The following TAF4B variants were observed in gnomAD, a reference collection of about 807,000 sequenced individuals.
TAF4B encodes TATA-box binding protein associated factor 4b, also known as transcription initiation factor TFIID subunit 4B.
TAF4B carries 38 observed loss-of-function variants against 86.4 expected under a neutral mutation model. The ratio of observed to expected loss-of-function variants is 0.44; its 90% CI spans 0.34 to 0.58. TAF4B has a LOEUF of 0.58. Ranked by LOEUF, TAF4B falls within the 20% of genes least tolerant of loss-of-function variation. TAF4B has a pLI of 0.02. For synonymous variants in TAF4B, 388 were observed against 391.2 expected (o/e 0.99, Z 0.10); for missense variants, 988 against 1,027.6 (o/e 0.96, Z 0.53).
intron 3 of TAF4B, among the ~76,000 whole-genome samples, chr18:26,271,676 C>T (rs539200022): frequency 1.3e-5 from 2 of 152,198 alleles, no homozygotes; most frequent in Admixed American, 1.3e-4. Context: ...GTAATCCCAG[C>T]ACTTTGGGAG....
chr18:26,276,373 A>G (rs2056384579), intron 5 of TAF4B, among the ~76,000 whole-genome samples: 1 of 152,224 alleles, frequency 6.6e-6, no homozygotes, highest in Non-Finnish European at 1.5e-5. Flanking sequence ...TATATGCTTA[A>G]GACATGCTGA....
Position 26,227,207 on chromosome 18 carries a change from CAGAT to C in TAF4B, c.277_280del (p.Ile93SerfsTer3). ...CAGCGGCCCTAGGCTGCCTGCTCCT[CAGAT>C]AGTCGCCGTGAAAGCCCCCAACACC... On this transcript the variant is annotated frameshift_variant, in exon 1 of 15. Transcript: ENST00000269142. 6.2e-7 allele frequency: 1 copy of C among 1,614,050 alleles called. No homozygotes were observed. The highest frequency in any genetic ancestry group is 8.5e-7 in the Non-Finnish European group (1 of 1,179,982).
intron 10 of TAF4B, among the ~76,000 whole-genome samples, chr18:26,317,489 T>A (rs1676997): frequency 6.6e-6 from 1 of 152,052 alleles, no homozygotes; most frequent in East Asian, 1.9e-4. Flanking sequence ...ATATGGTTTC[T>A]GTCACAATTG....
At chr18:26,389,054 C>T (rs1048549894) in intron 14 of TAF4B, among the ~76,000 whole-genome samples, 5 of 152,072 alleles carry the variant, frequency 3.3e-5, no homozygotes, top group Admixed American at 6.6e-5. Context: ...TCAGGTGATC[C>T]ACCCACCTCG....
chr18:26,240,347 T>C (rs1412956673), intron 1 of TAF4B, among the ~76,000 whole-genome samples: 10 of 152,212 alleles, frequency 6.6e-5, no homozygotes, highest in Non-Finnish European at 1.3e-4. Flanking sequence ...TTTGAAGCAA[T>C]TGTGAATGGG....
chr18:26,235,195 A>G (rs1469152836), intron 1 of TAF4B, among the ~76,000 whole-genome samples: 1 of 152,082 alleles, frequency 6.6e-6, no homozygotes, highest in African/African-American at 2.4e-5. Context: ...TCTGGTTCCC[A>G]TTCTACTAGA....
At position 26,390,190 on chromosome 18, in the gene TAF4B, C is replaced by A. The variant is rs890666935; in HGVS notation, c.*178C>A. 5.6e-6 allele frequency: 3 copies of A among 531,100 alleles called. No homozygotes were observed. Among genetic ancestry groups the A allele is most frequent in the Non-Finnish European group, 6.3e-6 (2 of 315,352 alleles). 32.9% of individuals were successfully genotyped at this position (531,100 alleles called of 1,614,324 possible). On this transcript the variant is annotated 3_prime_UTR_variant, in exon 15 of 15. Transcript: ENST00000269142. Reference sequence around the variant, plus strand: ...CCATCTCATGGGACTCTTACAGACTCAGATTCATCTTTGTCTTCTGAAAAT... The same window carrying A: ...CCATCTCATGGGACTCTTACAGACTAAGATTCATCTTTGTCTTCTGAAAAT...
intron 13 of TAF4B, among the ~76,000 whole-genome samples, chr18:26,342,082 C>G (rs1417881038): frequency 6.6e-6 from 1 of 152,050 alleles, no homozygotes; most frequent in Non-Finnish European, 1.5e-5. Flanking sequence ...TAAAACATTT[C>G]CATTGTTTGG....
intron 14 of TAF4B, among the ~76,000 whole-genome samples, chr18:26,371,878 C>A (rs555036466): frequency 4.2e-4 from 64 of 152,280 alleles, no homozygotes; most frequent in Non-Finnish European, 8.2e-4. Context: ...CTGTGAATTT[C>A]TTTCTAGCCT....
intron 3 of TAF4B, among the ~76,000 whole-genome samples, chr18:26,272,992 T>A (rs542382524): frequency 6.6e-6 from 1 of 152,346 alleles, no homozygotes; most frequent in African/African-American, 2.4e-5. Flanking sequence ...TCAGTAATTT[T>A]AAAATCTTAT....
chr18:26,247,349 C>T (rs1323515380), intron 1 of TAF4B, among the ~76,000 whole-genome samples: 1 of 152,194 alleles, frequency 6.6e-6, no homozygotes, highest in East Asian at 1.9e-4. Context: ...GGTACTTATG[C>T]AGCATTTGTT....
chr18:26,388,280 T>G (rs1015925844), intron 14 of TAF4B, among the ~76,000 whole-genome samples: 27 of 152,260 alleles, frequency 1.8e-4, no homozygotes, highest in Non-Finnish European at 5.9e-5. Flanking sequence ...GTAATTCATA[T>G]TGGTAAACAT....
intron 5 of TAF4B, among the ~76,000 whole-genome samples, chr18:26,276,887 A>G (rs577398341): frequency 3.2e-4 from 48 of 152,192 alleles, no homozygotes; most frequent in Non-Finnish European, 5.6e-4. Flanking sequence ...TGTGAATTTT[A>G]TGGACAGATA....
chr18:26,389,236 T>A (rs1363112428), intron 14 of TAF4B, among the ~76,000 whole-genome samples: 1 of 152,178 alleles, frequency 6.6e-6, no homozygotes, highest in Non-Finnish European at 1.5e-5. Context: ...AGCGCTTATA[T>A]AACTGGCTGC....
At position 26,267,604 on chromosome 18, in the gene TAF4B, C is replaced by G; in HGVS notation, c.578C>G (p.Pro193Arg). The G allele has an allele frequency of 6.2e-7, 1 of 1,613,430 alleles. No individual in the cohort carries two copies. Among genetic ancestry groups the G allele is most frequent in the Non-Finnish European group, 8.5e-7 (1 of 1,179,420 alleles). Residue 193 changes from proline (P) to arginine (R), a missense_variant, in exon 3 of 15, where the codon CCG becomes CGG. This residue lies in a region of TAF4B where 747 missense variants were observed against 737.9 expected (regional missense o/e 1.01). Coordinates refer to ENST00000269142, the MANE Select transcript of TAF4B (RefSeq NM_005640.3). ...GGAACTACTGTGGTAACCACTGTTC[C>G]GAAGCCTTCCTCAGTACAAGTAAGT... Reference protein sequence around the residue: ...QIGTTVVTTVPKPSSVQSVAV... With the variant: ...QIGTTVVTTVRKPSSVQSVAV...
intron 7 of TAF4B, 82 bp from the exon 8 acceptor site, chr18:26,292,164 A>G: frequency 1.4e-6 from 2 of 1,473,018 alleles, no homozygotes; most frequent in Non-Finnish European, 1.8e-6. Flanking sequence ...GGGGGAACAC[A>G]ATCTGTTGTT....
At position 26,346,874 on chromosome 18, in the gene TAF4B, T is replaced by TATAC. The variant is rs1347641584; in HGVS notation, c.2317-10816_2317-10815insATAC. On this transcript the variant is annotated intron_variant, in intron 13 of 14. Coordinates refer to ENST00000269142, the MANE Select transcript of TAF4B (RefSeq NM_005640.3). The stretch of plus-strand genomic sequence containing the variant: ...ATATATATATGTGTATATATATATA[T>TATAC]GTGTATATATATATATATATATATA... Among the ~76,000 whole-genome samples, 17 of 5,966 alleles carry TATAC rather than the reference T, an allele frequency of 2.8e-3. 3 individuals carry two copies. The Admixed American group carries it at 0.034, about 12-fold the overall frequency. 3.9% of individuals were successfully genotyped at this position (5,966 alleles called of 152,430 possible).
chr18:26,327,532 G>A (rs565447542), intron 12 of TAF4B, among the ~76,000 whole-genome samples: 104 of 152,290 alleles, frequency 6.8e-4, no homozygotes, highest in Middle Eastern at 6.8e-3. Context: ...CAAAATACAG[G>A]CTGGGTGGAA....
intron 9 of TAF4B, among the ~76,000 whole-genome samples, chr18:26,310,711 G>A (rs1007067793): frequency 6.6e-6 from 1 of 152,112 alleles, no homozygotes; most frequent in African/African-American, 2.4e-5. Flanking sequence ...GTACAAGAAG[G>A]TATGCAATGG....
Sources: allele counts gnomAD v4.1 joint callset (sites outside exome capture counted in the v4.1 genomes callset), GRCh38; gene constraint gnomAD v4.1.1; regional missense constraint gnomAD v4.1.1; transcripts MANE v1.5; gene names NCBI Gene and HGNC (gene_info 2026-07-23, HGNC 2026-07-21).